SH3KBP1: variants seen among roughly 807,000 people sequenced by gnomAD.
SH3KBP1 encodes the protein SH3 domain containing kinase binding protein 1, also known as SH3 domain-containing kinase-binding protein 1.
In SH3KBP1, 8 loss-of-function variants were observed where a neutral mutation model predicts 50.1. The observed-to-expected ratio is 0.16, with a 90% CI of 0.09 to 0.29. The LOEUF (loss-of-function observed/expected upper bound fraction) is 0.29. Among genes scored for constraint, SH3KBP1 ranks in the 10% least tolerant of loss-of-function variants. The probability of loss-of-function intolerance (pLI) is 1.00; values close to 1 mark genes in which losing one functional copy is unlikely to be tolerated. For missense variants in SH3KBP1, 377 were observed against 535.2 expected (o/e 0.70, Z 2.92); for synonymous variants, 227 against 218.6 (o/e 1.04, Z -0.34).
intron 8 of SH3KBP1, among the ~76,000 whole-genome samples, chrX:19,614,305 G>GT (rs1429906114): frequency 2.7e-5 from 3 of 112,974 alleles, no homozygotes; most frequent in Non-Finnish European, 5.6e-5. Context: ...CATACAACCT[G>GT]TGGGCACAGA....
chrX:19,792,770 G>A (rs1223224991), intron 2 of SH3KBP1, among the ~76,000 whole-genome samples: 4 of 85,449 alleles, frequency 4.7e-5, no homozygotes, highest in Non-Finnish European at 9.1e-5. Flanking sequence ...GACTTGGAGG[G>A]ATCTGGCGGG....
chrX:19,718,481 G>A (rs1488161532), intron 3 of SH3KBP1, among the ~76,000 whole-genome samples: 2 of 111,716 alleles, frequency 1.8e-5, no homozygotes, highest in African/African-American at 6.5e-5. Context: ...GAGGCAGATT[G>A]GGGGAAGGGT....
intron 12 of SH3KBP1, among the ~76,000 whole-genome samples, chrX:19,574,457 A>G (rs2066135349): frequency 8.8e-6 from 1 of 113,021 alleles, no homozygotes; most frequent in Non-Finnish European, 1.9e-5. Flanking sequence ...TGGATGACTT[A>G]TAAACAACAG....
At chrX:19,704,824 C>T (rs933660769) in intron 4 of SH3KBP1, among the ~76,000 whole-genome samples, 12 of 112,417 alleles carry the variant, frequency 1.1e-4, no homozygotes, top group African/African-American at 3.6e-4. Context: ...GGCTTCACAA[C>T]GTTCTACTTG....
intron 13 of SH3KBP1, among the ~76,000 whole-genome samples, chrX:19,555,046 A>G (rs965468412): frequency 2.7e-5 from 3 of 112,688 alleles, no homozygotes; most frequent in African/African-American, 9.7e-5. Flanking sequence ...CCCAGTTTTC[A>G]TGGTGGTTTT....
Position 19,860,787 on chromosome X carries a change from G to A in SH3KBP1, c.5-24505C>T, listed in dbSNP as rs143677084. On this transcript the variant is annotated intron_variant, in intron 1 of 17. Transcript: ENST00000397821. ...TAGGAGAAATAACTAAATGCAACAC[G>A]GATTCTGAAGAGGAACCTAGAACAA... Among the ~76,000 whole-genome samples the A allele has an allele frequency of 8.4e-3, 932 of 111,278 alleles. 14 individuals carry two copies. Among genetic ancestry groups the A allele is most frequent in the African/African-American group, 0.029 (880 of 30,602 alleles).
intron 2 of SH3KBP1, among the ~76,000 whole-genome samples, chrX:19,801,152 T>C (rs1055426059): frequency 1.8e-5 from 2 of 111,827 alleles, no homozygotes; most frequent in African/African-American, 6.5e-5. Context: ...CTGCAAGAAA[T>C]AACTCCTCCT....
At chrX:19,753,916 C>T (rs764172553) in intron 2 of SH3KBP1, among the ~76,000 whole-genome samples, 13 of 112,238 alleles carry the variant, frequency 1.2e-4, no homozygotes, top group Middle Eastern at 4.6e-3. Flanking sequence ...AGCAGAACCA[C>T]GTTGATGTCT....
intron 4 of SH3KBP1, among the ~76,000 whole-genome samples, chrX:19,702,521 G>A (rs954809463): frequency 9.0e-6 from 1 of 110,740 alleles, no homozygotes; most frequent in African/African-American, 3.3e-5. Context: ...ACACATAAAA[G>A]CAAGAATCTT....
intron 8 of SH3KBP1, among the ~76,000 whole-genome samples, chrX:19,614,574 G>A (rs1035888584): frequency 2.7e-5 from 3 of 112,009 alleles, no homozygotes; most frequent in African/African-American, 9.7e-5. Flanking sequence ...CACAATTTGG[G>A]GGTGGGGAAT....
chrX:19,680,972 A>G (rs767405231), intron 6 of SH3KBP1, among the ~76,000 whole-genome samples: 3 of 112,049 alleles, frequency 2.7e-5, no homozygotes, highest in Non-Finnish European at 5.6e-5. Flanking sequence ...ATGCGTACAC[A>G]CACACAAATG....
chrX:19,726,353 T>C (rs753348236), intron 3 of SH3KBP1, among the ~76,000 whole-genome samples: 24 of 111,823 alleles, frequency 2.1e-4, no homozygotes, highest in Admixed American at 1.0e-3. Context: ...GCCTTGCTTT[T>C]TCCAACTGCA....
At chrX:19,841,902 T>C (rs1025554820) in intron 1 of SH3KBP1, among the ~76,000 whole-genome samples, 1 of 7,630 alleles carries the variant, frequency 1.3e-4, no homozygotes, top group African/African-American at 5.9e-4. Context: ...TTCACACCAT[T>C]GATGCGGGCG....
intron 3 of SH3KBP1, among the ~76,000 whole-genome samples, chrX:19,721,099 C>T (rs1444288798): frequency 9.0e-6 from 1 of 110,599 alleles, no homozygotes; most frequent in Non-Finnish European, 1.9e-5. Flanking sequence ...CTTCTCATCC[C>T]CATCAGAATA....
At chrX:19,593,176 T>TAGCTAA (rs1175356447) in intron 10 of SH3KBP1, among the ~76,000 whole-genome samples, 1 of 111,890 alleles carries the variant, frequency 8.9e-6, no homozygotes, top group Non-Finnish European at 1.9e-5. Context: ...ACTTGAGAAA[T>TAGCTAA]AGCTAAAGCA....
At chrX:19,724,927 C>T (rs778096050) in intron 3 of SH3KBP1, among the ~76,000 whole-genome samples, 13 of 111,277 alleles carry the variant, frequency 1.2e-4, no homozygotes, top group South Asian at 3.8e-4. Flanking sequence ...ACCCTGCCCA[C>T]GCTGCCTGGG....
At chrX:19,858,005 C>G (rs955290416) in intron 1 of SH3KBP1, among the ~76,000 whole-genome samples, 1 of 109,558 alleles carries the variant, frequency 9.1e-6, no homozygotes, top group African/African-American at 3.3e-5. Flanking sequence ...ATGGCGAAAC[C>G]CTGTCTCTAC....
intron 1 of SH3KBP1, among the ~76,000 whole-genome samples, chrX:19,885,104 C>T (rs1014518727): frequency 2.7e-5 from 3 of 110,780 alleles, no homozygotes; most frequent in Admixed American, 9.7e-5. Context: ...GGCAACACAG[C>T]GAGACCCTCC....
At chrX:19,866,937 G>A (rs1396100461) in intron 1 of SH3KBP1, among the ~76,000 whole-genome samples, 1 of 110,165 alleles carries the variant, frequency 9.1e-6, no homozygotes, top group Non-Finnish European at 1.9e-5. Flanking sequence ...ACTGAGTAGT[G>A]CTGGCTTTCT....
Sources: gnomAD v4.1 joint callset for allele counts (sites outside exome capture counted in the v4.1 genomes callset) on GRCh38, gnomAD v4.1.1 for gene constraint, MANE v1.5 for transcripts, NCBI Gene and HGNC (gene_info 2026-07-23, HGNC 2026-07-21) for gene names.